Variants in PTPRD observed in about 807,000 individuals in gnomAD.
PTPRD encodes the protein receptor-type tyrosine-protein phosphatase delta.
Under a neutral mutation model 214.5 loss-of-function variants are expected in PTPRD, and 34 were observed. The observed-to-expected ratio is 0.16, with a 90% CI of 0.12 to 0.21. The LOEUF (loss-of-function observed/expected upper bound fraction) is 0.21, where lower values mean the gene tolerates loss of function less well. PTPRD is among the 10% of genes least tolerant of loss of function. The pLI, the probability that PTPRD is intolerant of heterozygous loss-of-function variation, is 1.00. For synonymous variants in PTPRD, 1,128 were observed against 845.7 expected, an observed-to-expected ratio of 1.33 and a Z score of -5.79; for missense variants, 2,545 against 2,398.7, an observed-to-expected ratio of 1.06 and a Z score of -1.27.
chr9:9,601,435 G>T (rs2093761983), intron 7 of PTPRD, among the ~76,000 whole-genome samples: 1 of 151,820 alleles, frequency 6.6e-6, no homozygotes, highest in Non-Finnish European at 1.5e-5. Flanking sequence ...GATGGTTATT[G>T]TTTCACCATA....
intron 2 of PTPRD, among the ~76,000 whole-genome samples, chr9:10,440,142 T>C (rs1035870729): frequency 6.6e-6 from 1 of 151,602 alleles, no homozygotes; most frequent in African/African-American, 2.4e-5. Flanking sequence ...TAGTAATAAC[T>C]GCTCTGGCAA....
chr9:8,812,276 A>AAGAGACAGCTGAACCCTCGT (rs2096824873), intron 11 of PTPRD, among the ~76,000 whole-genome samples: 1 of 152,230 alleles, frequency 6.6e-6, no homozygotes, highest in South Asian at 2.1e-4. Context: ...ATATATTTAT[A>AAGAGACAGCTGAACCCTCGT]GGTCTACACA....
At chr9:10,374,066 G>A (rs868492081) in intron 2 of PTPRD, among the ~76,000 whole-genome samples, 1 of 152,034 alleles carries the variant, frequency 6.6e-6, no homozygotes, top group South Asian at 2.1e-4. Flanking sequence ...CTTTAGCTGT[G>A]AGATAGATAA....
rs149208927 is a variant in PTPRD at position 10,150,472 on chromosome 9, G to A, written c.-544-116682C>T. ...TGGGAATTGAACAACGAGAACACATGGACACGGGGTGGGGAACATCACATA... is the reference window on the plus strand; with the variant it reads ...TGGGAATTGAACAACGAGAACACATAGACACGGGGTGGGGAACATCACATA... On this transcript the variant is annotated intron_variant, in intron 3 of 45. Transcript: ENST00000381196. Among the ~76,000 whole-genome samples, 530 of 152,106 alleles carry A rather than the reference G, an allele frequency of 3.5e-3. 1 individual carries two copies. Among genetic ancestry groups the A allele is most frequent in the Non-Finnish European group, 4.7e-3 (321 of 68,004 alleles).
chr9:9,425,110 A>G (rs968218296), intron 8 of PTPRD, among the ~76,000 whole-genome samples: 22 of 152,092 alleles, frequency 1.4e-4, no homozygotes, highest in Admixed American at 1.0e-3. Context: ...AGACTGTCTA[A>G]TCATGACAGA....
chr9:8,402,312 T>C (rs373211147), intron 36 of PTPRD, among the ~76,000 whole-genome samples: 3 of 152,274 alleles, frequency 2.0e-5, no homozygotes, highest in East Asian at 3.9e-4. Context: ...AAAACCAGCA[T>C]AGGAACGAAA....
chr9:10,236,587 A>T (rs897295184), intron 3 of PTPRD, among the ~76,000 whole-genome samples: 1 of 151,944 alleles, frequency 6.6e-6, no homozygotes, highest in Non-Finnish European at 1.5e-5. Flanking sequence ...TTTGAAAAAT[A>T]TACACAATAT....
intron 11 of PTPRD, among the ~76,000 whole-genome samples, chr9:8,845,343 C>T (rs1039073582): frequency 4.6e-5 from 7 of 152,164 alleles, no homozygotes; most frequent in African/African-American, 1.4e-4. Flanking sequence ...AAAAAGTCGC[C>T]AAATCGTACA....
At chr9:8,609,060 A>C (rs909060005) in intron 14 of PTPRD, among the ~76,000 whole-genome samples, 1 of 152,234 alleles carries the variant, frequency 6.6e-6, no homozygotes, top group Non-Finnish European at 1.5e-5. Context: ...CACAACCATC[A>C]ACAAAAACAA....
intron 2 of PTPRD, among the ~76,000 whole-genome samples, chr9:10,463,180 T>C (rs2098970553): frequency 6.6e-6 from 1 of 152,078 alleles, no homozygotes; most frequent in African/African-American, 2.4e-5. Context: ...TATGCTTATA[T>C]ATTTCTGAAT....
chr9:9,931,696 T>G (rs7047854), intron 5 of PTPRD, among the ~76,000 whole-genome samples: 2 of 149,892 alleles, frequency 1.3e-5, no homozygotes, highest in African/African-American at 2.5e-5. Context: ...ACAAAGCAGC[T>G]GGGAAGCTCG....
At chr9:10,266,697 T>C (rs1039776708) in intron 3 of PTPRD, among the ~76,000 whole-genome samples, 5 of 151,978 alleles carry the variant, frequency 3.3e-5, no homozygotes, top group Admixed American at 1.3e-4. Flanking sequence ...GAGGAAACTA[T>C]AGTTTCAGGA....
intron 2 of PTPRD, among the ~76,000 whole-genome samples, chr9:10,428,185 G>T (rs1185975099): frequency 6.6e-6 from 1 of 151,934 alleles, no homozygotes; most frequent in Non-Finnish European, 1.5e-5. Flanking sequence ...TGGGTGTGGT[G>T]GCTCATGGCT....
chr9:9,690,684 G>A lies in PTPRD; in HGVS notation c.-287+43849C>T, dbSNP rs188498165. Among the ~76,000 whole-genome samples, 289 of 151,842 alleles carry A rather than the reference G, an allele frequency of 1.9e-3. 2 individuals are homozygous for A. Among genetic ancestry groups the A allele is most frequent in the African/African-American group, 6.8e-3 (283 of 41,490 alleles). On this transcript the variant is annotated intron_variant, in intron 7 of 45. Coordinates refer to ENST00000381196, the MANE Select transcript of PTPRD (RefSeq NM_002839.4). ...AGGGGTCTAGGATTTTTCCATATAG[G>A]TTATTCAGTTTTCCCAGCACATTTG...
intron 9 of PTPRD, among the ~76,000 whole-genome samples, chr9:9,244,892 C>G (rs1406263806): frequency 6.6e-6 from 1 of 152,082 alleles, no homozygotes; most frequent in African/African-American, 2.4e-5. Context: ...ACTCATCTGA[C>G]AAAGGGCTAA....
intron 11 of PTPRD, among the ~76,000 whole-genome samples, chr9:8,756,042 G>A (rs1045773328): frequency 1.3e-5 from 2 of 152,176 alleles, no homozygotes; most frequent in African/African-American, 2.4e-5. Context: ...AGTTCATACT[G>A]GTAGAGGAAA....
At chr9:8,342,039 A>G (rs749732029) in intron 39 of PTPRD, 61 bp from the exon 40 acceptor site, 3 of 1,451,172 alleles carry the variant, frequency 2.1e-6, no homozygotes, top group Admixed American at 2.4e-5. Context: ...ATACATAATA[A>G]AAGTATTTTT....
intron 3 of PTPRD, among the ~76,000 whole-genome samples, chr9:10,203,029 T>C (rs1395770486): frequency 6.6e-6 from 1 of 152,016 alleles, no homozygotes; most frequent in East Asian, 1.9e-4. Flanking sequence ...GTATATAGCA[T>C]AGATACAGAC....
chr9:9,251,850 G>A (rs997950248), intron 9 of PTPRD, among the ~76,000 whole-genome samples: 8 of 151,998 alleles, frequency 5.3e-5, no homozygotes, highest in South Asian at 2.1e-4. Context: ...AGATTTAGTC[G>A]CTGCAGCAGT....
Sources: allele counts gnomAD v4.1 joint callset (sites outside exome capture counted in the v4.1 genomes callset), GRCh38; gene constraint gnomAD v4.1.1; transcripts MANE v1.5; gene names NCBI Gene and HGNC (gene_info 2026-07-23, HGNC 2026-07-21).